The following ADGRB1 variants were observed in gnomAD, a reference collection of about 807,000 sequenced individuals.
The protein encoded by ADGRB1 is brain-specific angiogenesis inhibitor 1.
Under a neutral mutation model 175.7 loss-of-function variants are expected in ADGRB1, and 36 were observed. The ratio of observed to expected loss-of-function variants is 0.20; its 90% CI spans 0.16 to 0.27. The LOEUF is 0.27. Ranked by LOEUF, ADGRB1 falls within the 10% of genes least tolerant of loss-of-function variation. The probability of loss-of-function intolerance (pLI) is 1.00; values close to 1 mark genes in which losing one functional copy is unlikely to be tolerated. For synonymous variants in ADGRB1, 1,054 were observed against 979.4 expected (o/e 1.08, Z -1.42); for missense variants, 1,731 against 2,255.3 (o/e 0.77, Z 4.71).
At chr8:142,534,109 A>T (rs1184235862) in intron 25 of ADGRB1, among the ~76,000 whole-genome samples, 1 of 152,220 alleles carries the variant, frequency 6.6e-6, no homozygotes, top group Non-Finnish European at 1.5e-5. Context: ...TGAAGAATAC[A>T]GGAGAAGCCG....
chr8:142,511,836 G>T lies in ADGRB1; in HGVS notation c.2817+763G>T, dbSNP rs997125934. On this transcript the variant is annotated intron_variant, in intron 18 of 30. Coordinates refer to ENST00000517894, the MANE Select transcript of ADGRB1 (RefSeq NM_001702.3). This position sits in a 1 kb window ranked among gnomAD's most constrained non-coding sequence, Gnocchi z 4.5. ...GAGGCCCAGGACAGCCCACAGAGCA[G>T]GAAAGGGCCTTGGGCGTGTGCTCAC... Among the ~76,000 whole-genome samples, 1 of 152,248 alleles carries T rather than the reference G, an allele frequency of 6.6e-6. No individual in the cohort carries two copies. Among genetic ancestry groups the T allele is most frequent in the Non-Finnish European group, 1.5e-5 (1 of 68,048 alleles).
At chr8:142,496,356 G>T (rs1250415587) in intron 17 of ADGRB1, among the ~76,000 whole-genome samples, 1 of 151,336 alleles carries the variant, frequency 6.6e-6, no homozygotes, top group Non-Finnish European at 1.5e-5. Context: ...GGATAGATGG[G>T]TGAATAGGTG....
chr8:142,481,390 C>T, intron 10 of ADGRB1, 30 bp downstream of exon 10: 1 of 1,610,300 alleles, frequency 6.2e-7, no homozygotes, highest in Non-Finnish European at 8.5e-7. Flanking sequence ...GGTCTCCAAC[C>T]CCTCCCCAAT....
At chr8:142,534,034 C>G (rs1254095369) in intron 25 of ADGRB1, among the ~76,000 whole-genome samples, 1 of 152,210 alleles carries the variant, frequency 6.6e-6, no homozygotes, top group African/African-American at 2.4e-5. Context: ...GGCCACCTCC[C>G]CCTTCCTGGG....
At chr8:142,497,884 G>A (rs959776618) in intron 17 of ADGRB1, among the ~76,000 whole-genome samples, 3 of 152,208 alleles carry the variant, frequency 2.0e-5, no homozygotes, top group Non-Finnish European at 4.4e-5. Flanking sequence ...GGACCAGGTC[G>A]TAAGGTCACG....
intron 23 of ADGRB1, among the ~76,000 whole-genome samples, chr8:142,525,308 C>T (rs1844109354): frequency 6.8e-6 from 1 of 147,128 alleles, no homozygotes; most frequent in Non-Finnish European, 1.5e-5. Context: ...CCTGGCGGTA[C>T]CCCAGGCACC....
intron 2 of ADGRB1, among the ~76,000 whole-genome samples, chr8:142,470,423 G>C (rs535115355): frequency 6.6e-6 from 1 of 151,984 alleles, no homozygotes; most frequent in Admixed American, 6.5e-5. Flanking sequence ...ATGTGTCCCC[G>C]TGTGGTGTGT....
At chr8:142,462,188 C>T (rs1479698892) in intron 1 of ADGRB1, among the ~76,000 whole-genome samples, 1 of 152,136 alleles carries the variant, frequency 6.6e-6, no homozygotes, top group Admixed American at 6.5e-5. Context: ...TTGTCCCTTT[C>T]TAAAAAAATT....
chr8:142,454,123 G>A (rs925541365), intron 1 of ADGRB1, among the ~76,000 whole-genome samples: 1 of 152,144 alleles, frequency 6.6e-6, no homozygotes, highest in Non-Finnish European at 1.5e-5. Context: ...AAGAGATGGG[G>A]CGCCCCATGG....
rs536305623 is a variant in ADGRB1 at position 142,533,169 on chromosome 8, GC to G, written c.3399-121del. 2.0e-4 allele frequency: 228 copies of G among 1,114,758 alleles called. No homozygotes were observed. The African/African-American group carries it at 3.3e-3, about 16-fold the overall frequency. The allele number at this position is 1,114,758 out of a possible 1,614,324, so 69.1% of individuals were successfully genotyped here. ...AGAGAGGAAGGGCTGCTTGGCCCAG[GC>G]CCCCAGAGACAGAGACGGGGACTTA... is the stretch of plus-strand genomic sequence containing the variant. On this transcript the variant is annotated intron_variant, in intron 24 of 30. Coordinates refer to ENST00000517894, the MANE Select transcript of ADGRB1 (RefSeq NM_001702.3).
Position 142,464,270 on chromosome 8 carries a change from G to A in ADGRB1, c.72G>A (p.Leu24=). ...LAPLLLLLLL[L]GRRARAAAGA... The stretch of plus-strand genomic sequence containing the variant: ...CGCTGCTACTGCTGCTGCTGCTGCT[G>A]GGACGCCGCGCGCGGGCGGCCGCCG... Residue 24 remains leucine (L), a synonymous_variant, in exon 2 of 31, where the codon CTG becomes CTA. Transcript: ENST00000517894. 2 of 1,360,590 alleles carry A rather than the reference G, an allele frequency of 1.5e-6. No individual in the cohort carries two copies. Among genetic ancestry groups the A allele is most frequent in the Non-Finnish European group, 1.9e-6 (2 of 1,065,470 alleles). 84.3% of individuals were successfully genotyped at this position (1,360,590 alleles called of 1,614,324 possible). A position where few individuals can be genotyped will look rare whatever the true frequency, so the allele number is the denominator to read the frequency against.
chr8:142,480,171 A>G (rs1220976357), intron 9 of ADGRB1, among the ~76,000 whole-genome samples: 1 of 152,180 alleles, frequency 6.6e-6, no homozygotes, highest in African/African-American at 2.4e-5. Flanking sequence ...TCAAGGAGAA[A>G]GCAGGGCTCC....
chr8:142,533,747 C>G (rs141660454), intron 25 of ADGRB1, among the ~76,000 whole-genome samples: 604 of 152,290 alleles, frequency 4.0e-3, no homozygotes, highest in Non-Finnish European at 6.7e-3. Flanking sequence ...ACATGGGGCC[C>G]CCATCCTCAA....
Position 142,475,471 on chromosome 8 carries a change from C to A in ADGRB1, c.785-3C>A. On this transcript the variant is annotated splice_region_variant and splice_polypyrimidine_tract_variant and intron_variant, in intron 2 of 30. Coordinates refer to ENST00000517894, the MANE Select transcript of ADGRB1 (RefSeq NM_001702.3). ...TGATCCCCGCCCTCTGGTTTCCCCC[C>A]AGGCGGCTGGAAGCTGTGGTCCCTG... 7.7e-7 allele frequency: 1 copy of A among 1,292,834 alleles called. No individual in the cohort carries two copies. The highest frequency in any genetic ancestry group is 9.8e-7 in the Non-Finnish European group (1 of 1,019,302). The allele number at this position is 1,292,834 out of a possible 1,614,324, so 80.1% of individuals were successfully genotyped here.
At chr8:142,454,813 GTTAAT>G (rs1226128019) in intron 1 of ADGRB1, among the ~76,000 whole-genome samples, 1 of 151,920 alleles carries the variant, frequency 6.6e-6, no homozygotes, top group Non-Finnish European at 1.5e-5. Flanking sequence ...ACTCATTTCT[GTTAAT>G]TGAGGAAGCA....
At chr8:142,513,276 C>G (rs1218154406) in intron 18 of ADGRB1, among the ~76,000 whole-genome samples, 2 of 152,158 alleles carry the variant, frequency 1.3e-5, no homozygotes, top group Non-Finnish European at 2.9e-5. Flanking sequence ...CAAGGGCAGA[C>G]CATGTGTGGC....
chr8:142,482,922 A>C (rs982310206), intron 11 of ADGRB1, among the ~76,000 whole-genome samples: 2 of 147,106 alleles, frequency 1.4e-5, no homozygotes, highest in South Asian at 2.2e-4. Flanking sequence ...CCCTTGTCAC[A>C]AACTGAGCCC....
chr8:142,513,006 G>A (rs953594587), intron 18 of ADGRB1, among the ~76,000 whole-genome samples: 3 of 152,198 alleles, frequency 2.0e-5, no homozygotes, highest in Admixed American at 6.5e-5. Flanking sequence ...ACACAGTCCT[G>A]GGCCTTCTTT....
rs1845330459 is a variant in ADGRB1, at chr8:142,542,438, G to A, written c.4204G>A (p.Gly1402Arg). ...SPPSRQPPSGGPPEAPPAQPP... is the reference protein window; with the variant it reads ...SPPSRQPPSGRPPEAPPAQPP... The stretch of plus-strand genomic sequence containing the variant: ...GCCCTCCCGCCAGCCCCCCAGCGGC[G>A]GGCCCCCCGAGGCACCCCCTGCCCA... Residue 1402 changes from glycine to arginine, a missense_variant, in exon 28 of 31, where the codon GGG becomes AGG. Physicochemically the swap from Gly to Arg is moderately radical, Grantham distance 125. Coordinates refer to ENST00000517894, the MANE Select transcript of ADGRB1 (RefSeq NM_001702.3). This position sits in a 1 kb window ranked among gnomAD's most constrained non-coding sequence, Gnocchi z 6.3. The A allele has an allele frequency of 9.0e-6, 13 of 1,437,390 alleles. No individual in the cohort carries two copies. The East Asian group carries it at 1.1e-4, about 12-fold the overall frequency. The allele number at this position is 1,437,390 out of a possible 1,614,324, so 89.0% of individuals were successfully genotyped here. A position where few individuals can be genotyped will look rare whatever the true frequency, so the allele number is the denominator to read the frequency against.
Sources: allele counts gnomAD v4.1 joint callset (sites outside exome capture counted in the v4.1 genomes callset), GRCh38; gene constraint gnomAD v4.1.1; non-coding constraint Gnocchi (gnomAD v3.1); transcripts MANE v1.5; gene names NCBI Gene and HGNC (gene_info 2026-07-23, HGNC 2026-07-21).